MLXIPL: variants seen among roughly 807,000 people sequenced by gnomAD.
MLXIPL encodes the protein carbohydrate-responsive element-binding protein.
MLXIPL carries 49 observed loss-of-function variants against 81.5 expected under a neutral mutation model. The ratio of observed to expected loss-of-function variants is 0.60; its 90% CI spans 0.48 to 0.76. MLXIPL has a LOEUF of 0.76. Ranked by LOEUF, MLXIPL falls within the 30% of genes least tolerant of loss-of-function variation. MLXIPL has a pLI of 0.00. For synonymous variants in MLXIPL, 466 were observed against 485.5 expected, an observed-to-expected ratio of 0.96 and a Z score of 0.53; for missense variants, 1,053 against 1,167.0, an observed-to-expected ratio of 0.90 and a Z score of 1.42.
chr7:73,647,078 G>A, the MLXIPL span, among the ~76,000 whole-genome samples: 3 of 152,214 alleles, frequency 2.0e-5, no homozygotes, highest in Admixed American at 6.5e-5. Context: ...AAAGTCGTGC[G>A]CCCAAGGTCA....
chr7:73,641,601 C>G, the MLXIPL span, among the ~76,000 whole-genome samples: 1 of 152,116 alleles, frequency 6.6e-6, no homozygotes, highest in African/African-American at 2.4e-5. Context: ...TCTCTGACAC[C>G]AGCTGTGTGT....
At chr7:73,642,610 C>T in the MLXIPL span, among the ~76,000 whole-genome samples, 3 of 152,338 alleles carry the variant, frequency 2.0e-5, no homozygotes, top group African/African-American at 4.8e-5. Context: ...CCCGCCTCAG[C>T]TTCCCAAATT....
chr7:73,600,262 C>A (rs538333188), intron 7 of MLXIPL, among the ~76,000 whole-genome samples: 1 of 140,116 alleles, frequency 7.1e-6, no homozygotes, highest in Non-Finnish European at 1.5e-5. Context: ...TGTAATGGGG[C>A]GAGAGGGGCC....
intron 1 of MLXIPL, among the ~76,000 whole-genome samples, chr7:73,617,513 G>C (rs1796074235): frequency 6.6e-6 from 1 of 152,248 alleles, no homozygotes; most frequent in Admixed American, 6.6e-5. Flanking sequence ...TATTCATGGA[G>C]ACAGAGCACC....
intron 1 of MLXIPL, among the ~76,000 whole-genome samples, chr7:73,618,981 G>A (rs905126526): frequency 5.9e-5 from 9 of 152,210 alleles, no homozygotes; most frequent in African/African-American, 2.2e-4. Flanking sequence ...ATTTGGGGCT[G>A]TGAGAGAAGA....
At position 73,594,304 on chromosome 7, in the gene MLXIPL, G is replaced by A. The variant is rs782602361; in HGVS notation, c.2410C>T (p.Gln804Ter). Residue 804 changes from glutamine (Q) to a stop codon, truncating the protein, a stop_gained, in exon 16 of 17, where the codon CAG (glutamine) becomes TAG (stop). Transcript: ENST00000313375. LOFTEE classifies it high-confidence loss of function. The stretch of plus-strand genomic sequence containing the variant: ...CGGAGAGCGGGCAGAGAGCAGTACT[G>A]GTCCAGCCAGGCCAGTGAGGTCTGG... ...LRQTSLAWLD[Q>*]YCSLPALRPT... 1 of 1,612,022 alleles carries A rather than the reference G, an allele frequency of 6.2e-7. No homozygotes were observed. Among genetic ancestry groups the A allele is most frequent in the Non-Finnish European group, 8.5e-7 (1 of 1,180,014 alleles).
chr7:73,600,214 G>C (rs1402652603), intron 7 of MLXIPL, among the ~76,000 whole-genome samples: 4 of 151,404 alleles, frequency 2.6e-5, no homozygotes, highest in Admixed American at 1.3e-4. Context: ...TGGTTTGTTG[G>C]AAGGTCAACA....
Position 73,605,669 on chromosome 7 carries a change from G to T in MLXIPL, c.901+19C>A, listed in dbSNP as rs782182441. The T allele has an allele frequency of 6.2e-7, 1 of 1,612,404 alleles. No individual in the cohort carries two copies. Among genetic ancestry groups the T allele is most frequent in the South Asian group, 1.1e-5 (1 of 90,962 alleles). ...CAGACCCTGCCCGTCCACCCGACCT[G>T]GGGAGGGGCTCGCCCCACCTGAGAT... On this transcript the variant is annotated intron_variant, in intron 7 of 16. Coordinates refer to ENST00000313375, the MANE Select transcript of MLXIPL (RefSeq NM_032951.3).
chr7:73,630,716 A>G, the MLXIPL span, among the ~76,000 whole-genome samples: 2 of 152,228 alleles, frequency 1.3e-5, no homozygotes, highest in Non-Finnish European at 2.9e-5. Context: ...ACAAGTACCT[A>G]TGTTCTCAAA....
chr7:73,614,397 A>T (rs1795880182), intron 2 of MLXIPL, among the ~76,000 whole-genome samples: 1 of 152,108 alleles, frequency 6.6e-6, no homozygotes. Flanking sequence ...CCTATCTCCC[A>T]GGGTTGCTAG....
At chr7:73,629,275 C>T (rs891471867), upstream of MLXIPL, among the ~76,000 whole-genome samples, 2 of 152,020 alleles carry the variant, frequency 1.3e-5, no homozygotes, top group Non-Finnish European at 2.9e-5. Flanking sequence ...CTCCTAACCT[C>T]GTGATCCACC....
chr7:73,599,495 CACAGGGCTGG>C, intron 8 of MLXIPL, 21 bp downstream of exon 8: 1 of 1,611,126 alleles, frequency 6.2e-7, no homozygotes, highest in Non-Finnish European at 8.5e-7. Flanking sequence ...AAGTGAGCTA[CACAGGGCTGG>C]ACGGGGTGGG....
chr7:73,597,065 C>G, intron 9 of MLXIPL, 117 bp downstream of exon 9: 1 of 1,450,320 alleles, frequency 6.9e-7, no homozygotes, highest in Non-Finnish European at 9.4e-7. Context: ...CCTTGCCACT[C>G]TGTCCCTTGA....
intron 16 of MLXIPL, 125 bp downstream of exon 16, chr7:73,594,149 T>TG (rs1321771580): frequency 1.3e-5 from 19 of 1,498,070 alleles, no homozygotes; most frequent in Non-Finnish European, 1.7e-5. Context: ...ATCTGGGGGA[T>TG]GCGGGGTGGC....
chr7:73,641,037 C>T, the MLXIPL span, among the ~76,000 whole-genome samples: 7 of 151,874 alleles, frequency 4.6e-5, no homozygotes, highest in African/African-American at 1.2e-4. Context: ...CACAGTTACT[C>T]ATGTCTGTAA....
chr7:73,597,678 G>T lies in MLXIPL; in HGVS notation c.1107C>A (p.Ser369Arg). ...RNSCPGPLDS[S>R]AFLSSDFLLP... ...GGAGGAAATCAGAACTCAGGAAGGCGCTGGAGTCCAAGGGGCCAGGGCAGC... is the reference window on the plus strand; with the variant it reads ...GGAGGAAATCAGAACTCAGGAAGGCTCTGGAGTCCAAGGGGCCAGGGCAGC... Residue 369 changes from serine (S) to arginine (R), a missense_variant, in exon 9 of 17, where the codon AGC (serine) becomes AGA (arginine). By Grantham distance (110) the Ser-to-Arg change is moderately radical. Coordinates refer to ENST00000313375, the MANE Select transcript of MLXIPL (RefSeq NM_032951.3). The T allele has an allele frequency of 7.3e-7, 1 of 1,376,514 alleles. No homozygotes were observed. The highest frequency in any genetic ancestry group is 9.3e-7 in the Non-Finnish European group (1 of 1,069,546). 85.3% of individuals were successfully genotyped at this position (1,376,514 alleles called of 1,614,324 possible).
chr7:73,597,210 G>T lies in MLXIPL; in HGVS notation c.1575C>A (p.Asn525Lys), dbSNP rs782737814. Residue 525 changes from asparagine to lysine, a missense_variant, in exon 9 of 17, where the codon AAC (asparagine) becomes AAA (lysine). By Grantham distance (94) the Asn-to-Lys change is moderately conservative. Transcript: ENST00000313375. ...ASPPTTAGSNNPCLTQLLTAA... is the reference protein window; with the variant it reads ...ASPPTTAGSNKPCLTQLLTAA... ...CTGTGAGCAGCTGTGTGAGGCAGGG[G>T]TTGTTGCTCCCCGCAGTGGTGGGGG... 257 of 1,605,622 alleles carry T rather than the reference G, an allele frequency of 1.6e-4. 1 individual carries two copies. The highest frequency in any genetic ancestry group is 2.0e-4 in the Non-Finnish European group (240 of 1,178,366).
At chr7:73,615,240 T>C (rs966650292) in intron 2 of MLXIPL, among the ~76,000 whole-genome samples, 5 of 152,142 alleles carry the variant, frequency 3.3e-5, no homozygotes, top group Non-Finnish European at 7.4e-5. Context: ...TTCCACGAGA[T>C]GGCATGGCCT....
upstream of MLXIPL, among the ~76,000 whole-genome samples, chr7:73,628,326 C>A (rs1796784880): frequency 6.6e-6 from 1 of 152,304 alleles, no homozygotes; most frequent in African/African-American, 2.4e-5. Context: ...ATCCCTCCTT[C>A]CCCAGCCATG....
Sources: allele counts gnomAD v4.1 joint callset (sites outside exome capture counted in the v4.1 genomes callset), GRCh38; gene constraint gnomAD v4.1.1; transcripts MANE v1.5; gene names NCBI Gene and HGNC (gene_info 2026-07-23, HGNC 2026-07-21).